Variants in POLA1 observed in about 807,000 individuals in gnomAD.
The protein encoded by POLA1 is DNA polymerase alpha 1, catalytic subunit.
POLA1 carries 15 observed loss-of-function variants against 124.0 expected under a neutral mutation model. The observed-to-expected ratio is 0.12, with a 90% CI of 0.08 to 0.19. The LOEUF (loss-of-function observed/expected upper bound fraction) is 0.19. Among genes scored for constraint, POLA1 ranks in the 10% least tolerant of loss-of-function variants. The pLI is 1.00. For missense variants in POLA1, 886 were observed against 1,103.4 expected, an observed-to-expected ratio of 0.80 and a Z score of 2.79; for synonymous variants, 408 against 389.4, an observed-to-expected ratio of 1.05 and a Z score of -0.56.
chrX:24,797,807 G>T (rs944322051), intron 26 of POLA1, among the ~76,000 whole-genome samples: 5 of 110,382 alleles, frequency 4.5e-5, no homozygotes, highest in African/African-American at 9.9e-5. Flanking sequence ...CAGCACTTTG[G>T]GGGGCTGAGG....
intron 32 of POLA1, among the ~76,000 whole-genome samples, chrX:24,829,238 C>T (rs2046222972): frequency 9.0e-6 from 1 of 111,658 alleles, no homozygotes; most frequent in African/African-American, 3.3e-5. Flanking sequence ...TGCCATGTAG[C>T]CAAGTCAAGC....
chrX:24,804,647 T>C (rs7884603), intron 26 of POLA1, among the ~76,000 whole-genome samples: 2,126 of 112,146 alleles, frequency 0.019, 47 homozygotes, highest in African/African-American at 0.066. Context: ...TTCTTGTTAA[T>C]AAGTAATACT....
At chrX:24,913,630 C>T (rs1306913551) in intron 35 of POLA1, among the ~76,000 whole-genome samples, 2 of 109,817 alleles carry the variant, frequency 1.8e-5, no homozygotes, top group African/African-American at 6.7e-5. Context: ...AGGAGAATCG[C>T]TTAAACCCGG....
At chrX:24,903,018 G>A (rs2147163460) in intron 35 of POLA1, among the ~76,000 whole-genome samples, 1 of 112,557 alleles carries the variant, frequency 8.9e-6, no homozygotes, top group South Asian at 3.6e-4. Flanking sequence ...TGGAAGGAAA[G>A]TTGCAACAAA....
At chrX:24,725,686 A>C (rs1930496948) in intron 12 of POLA1, among the ~76,000 whole-genome samples, 1 of 112,286 alleles carries the variant, frequency 8.9e-6, no homozygotes, top group Admixed American at 9.4e-5. Flanking sequence ...GTTGCTTAAT[A>C]TCAAATAGTA....
At chrX:24,734,875 C>G (rs1471942086) in intron 17 of POLA1, among the ~76,000 whole-genome samples, 1 of 111,987 alleles carries the variant, frequency 8.9e-6, no homozygotes, top group Non-Finnish European at 1.9e-5. Context: ...CTCAGCCTCC[C>G]AAAGTGCTGG....
intron 34 of POLA1, among the ~76,000 whole-genome samples, chrX:24,861,612 T>A (rs1408916370): frequency 5.3e-5 from 6 of 112,843 alleles, no homozygotes; most frequent in Admixed American, 1.9e-4. Flanking sequence ...ATCACGATGT[T>A]TGTCTTATGA....
intron 34 of POLA1, among the ~76,000 whole-genome samples, chrX:24,865,077 G>A (rs1400112355): frequency 1.8e-5 from 2 of 111,817 alleles, no homozygotes; most frequent in Non-Finnish European, 3.8e-5. Context: ...TTGTAGAGCT[G>A]AGATTTAAGT....
intron 16 of POLA1, 97 bp from the exon 17 acceptor site, chrX:24,733,658 T>C: frequency 2.3e-6 from 1 of 434,020 alleles, no homozygotes; most frequent in Admixed American, 4.1e-5. Context: ...GGGGGGAATA[T>C]ATTTAAGACA....
At chrX:24,760,304 A>C (rs140405520) in intron 26 of POLA1, among the ~76,000 whole-genome samples, 10 of 111,686 alleles carry the variant, frequency 9.0e-5, no homozygotes, top group African/African-American at 3.3e-4. Context: ...TTGACCTCAC[A>C]GGCTTTCCCT....
intron 4 of POLA1, among the ~76,000 whole-genome samples, chrX:24,709,453 T>C (rs1929171756): frequency 1.1e-5 from 1 of 92,096 alleles, no homozygotes; most frequent in Non-Finnish European, 2.2e-5. Flanking sequence ...CCCCCCCACC[T>C]CCCTCCCGGA....
intron 36 of POLA1, among the ~76,000 whole-genome samples, chrX:24,962,101 A>G (rs2048175328): frequency 9.0e-6 from 1 of 111,261 alleles, no homozygotes; most frequent in African/African-American, 3.3e-5. Flanking sequence ...ATGCTTTACT[A>G]TGTTTAATCT....
intron 35 of POLA1, among the ~76,000 whole-genome samples, chrX:24,921,740 T>G (rs756704580): frequency 2.2e-4 from 25 of 111,909 alleles, no homozygotes; most frequent in Non-Finnish European, 3.9e-4. Context: ...ATTAAAAGGT[T>G]AAGTTTTCAT....
At chrX:24,970,847 A>G (rs889694099) in intron 36 of POLA1, among the ~76,000 whole-genome samples, 6 of 111,917 alleles carry the variant, frequency 5.4e-5, no homozygotes, top group Admixed American at 3.8e-4. Flanking sequence ...AAACTTCACT[A>G]TATCCCACTG....
chrX:24,896,448 G>A (rs1238049920), intron 35 of POLA1, among the ~76,000 whole-genome samples: 1 of 110,167 alleles, frequency 9.1e-6, no homozygotes, highest in African/African-American at 3.4e-5. Context: ...TTTTTGTTTT[G>A]GTTTTTGGTT....
At chrX:24,854,477 A>G (rs1021241333) in intron 34 of POLA1, among the ~76,000 whole-genome samples, 4 of 111,265 alleles carry the variant, frequency 3.6e-5, no homozygotes, top group African/African-American at 1.3e-4. Context: ...ATTATAAAAA[A>G]TGTTTTGACT....
chrX:24,699,441 G>A lies in POLA1; in HGVS notation c.60G>A (p.Gly20=). The change falls in exon 2 of 37, where the codon GGG becomes GGA. Residue 20 remains glycine (G), a synonymous_variant. Transcript: ENST00000379068. ...TTTTTTCAGCTCTGTCAGATTCAGG[G>A]AGTTTTGTATCTTCTCGAGCCCGGC... ...EIGASALSDS[G]SFVSSRARRE... is the part of the protein sequence containing the mutation. 1 of 1,173,297 alleles carries A rather than the reference G, an allele frequency of 8.5e-7. No individual in the cohort carries two copies. The highest frequency in any genetic ancestry group is 1.1e-6 in the Non-Finnish European group (1 of 873,485).
chrX:24,984,694 C>G (rs2048460301), intron 36 of POLA1, among the ~76,000 whole-genome samples: 1 of 88,742 alleles, frequency 1.1e-5, no homozygotes, highest in Non-Finnish European at 2.1e-5. Flanking sequence ...GAGTCTTGCT[C>G]TGTTGCCCAG....
intron 36 of POLA1, among the ~76,000 whole-genome samples, chrX:24,975,462 A>C (rs1000526244): frequency 8.9e-6 from 1 of 112,452 alleles, no homozygotes; most frequent in Admixed American, 9.4e-5. Context: ...CAAAACAAAA[A>C]AAAAAAATGG....
Sources: gnomAD v4.1 joint callset for allele counts (sites outside exome capture counted in the v4.1 genomes callset) on GRCh38, gnomAD v4.1.1 for gene constraint, MANE v1.5 for transcripts, NCBI Gene and HGNC (gene_info 2026-07-23, HGNC 2026-07-21) for gene names.